Variants in CNTNAP3 observed in about 807,000 individuals in gnomAD.
The protein encoded by CNTNAP3 is contactin-associated protein-like 3.
Under a neutral mutation model 92.1 loss-of-function variants are expected in CNTNAP3, and 36 were observed. That is an observed-to-expected ratio of 0.39 (90% CI 0.30 to 0.52). CNTNAP3 has a LOEUF of 0.52. CNTNAP3 is among the 20% of genes least tolerant of loss of function. The pLI, the probability that CNTNAP3 is intolerant of heterozygous loss-of-function variation, is 0.76. For synonymous variants in CNTNAP3, 232 were observed against 422.3 expected (o/e 0.55, Z 5.53); for missense variants, 534 against 1,069.6 (o/e 0.50, Z 6.98).
At chr9:39,119,600 C>G (rs1220396279) in intron 13 of CNTNAP3, among the ~76,000 whole-genome samples, 1 of 152,084 alleles carries the variant, frequency 6.6e-6, no homozygotes, top group African/African-American at 2.4e-5. Flanking sequence ...CTCCCATATT[C>G]CCCATAAAGT....
intron 12 of CNTNAP3, among the ~76,000 whole-genome samples, chr9:39,133,385 G>A (rs1821351828): frequency 6.6e-6 from 1 of 152,114 alleles, no homozygotes; most frequent in African/African-American, 2.4e-5. Flanking sequence ...TATCATGTAA[G>A]CAATGACTTT....
At chr9:39,108,847 A>G (rs560660820) in intron 15 of CNTNAP3, among the ~76,000 whole-genome samples, 13 of 152,346 alleles carry the variant, frequency 8.5e-5, no homozygotes, top group African/African-American at 3.1e-4. Context: ...ATGAATAAAT[A>G]TCCCTTAGAA....
At chr9:39,090,346 C>T (rs1314829033) in intron 18 of CNTNAP3, among the ~76,000 whole-genome samples, 1 of 152,148 alleles carries the variant, frequency 6.6e-6, no homozygotes, top group Non-Finnish European at 1.5e-5. Context: ...CTCTTTTGTT[C>T]TCCCATGTTT....
chr9:39,067,414 TTTTGATGGAGTC>T lies in CNTNAP3; in HGVS notation c.*6464_*6475del, dbSNP rs1248174458. On this transcript the variant is annotated 3_prime_UTR_variant, in exon 24 of 24. Coordinates refer to ENST00000297668, the MANE Select transcript of CNTNAP3 (RefSeq NM_033655.5). ...TTACCTCGTTGGGTGTTGGATTTTT[TTTTGATGGAGTC>T]TGGCTCTGTTGCCCAGGCTGGAGTG... Among the ~76,000 whole-genome samples the T allele has an allele frequency of 1.3e-5, 2 of 152,302 alleles. No individual in the cohort carries two copies. The highest frequency in any genetic ancestry group is 4.8e-5 in the African/African-American group (2 of 41,478).
intron 23 of CNTNAP3, among the ~76,000 whole-genome samples, chr9:39,074,621 G>A (rs1357523472): frequency 6.6e-6 from 1 of 151,828 alleles, no homozygotes; most frequent in Non-Finnish European, 1.5e-5. Flanking sequence ...CTAAGACCGC[G>A]TACATCCTTC....
rs1168177056 is a variant in CNTNAP3 at position 39,107,565 on chromosome 9, G to GA, written c.2365+1594dup. Among the ~76,000 whole-genome samples the GA allele has an allele frequency of 6.9e-4, 105 of 151,282 alleles. 2 individuals carry two copies. Among genetic ancestry groups the GA allele is most frequent in the African/African-American group, 2.4e-3 (99 of 41,240 alleles). On this transcript the variant is annotated intron_variant, in intron 15 of 23. Transcript: ENST00000297668. ...ATAAACAGAAAAGATGATTTTTAAGGAAAAAAAATCAAAGACCCAAACAAA... is the reference window on the plus strand; with the variant it reads ...ATAAACAGAAAAGATGATTTTTAAGGAAAAAAAAATCAAAGACCCAAACAAA...
intron 10 of CNTNAP3, among the ~76,000 whole-genome samples, chr9:39,145,094 A>C (rs1821667741): frequency 7.2e-6 from 1 of 139,544 alleles, no homozygotes; most frequent in African/African-American, 2.6e-5. Context: ...GCTGCCGCCC[A>C]CTATAATATT....
In CNTNAP3 at chr9:39,096,070, C is replaced by CGGGTTATATCCCTTCAACCTGAAGGAACG. The variant is rs768993195; in HGVS notation, c.2995+3840_2995+3841insCGTTCCTTCAGGTTGAAGGGATATAACCC. 9.7e-4 allele frequency among the ~76,000 whole-genome samples: 136 copies of CGGGTTATATCCCTTCAACCTGAAGGAACG among 140,522 alleles called. 1 individual carries two copies. Among genetic ancestry groups the CGGGTTATATCCCTTCAACCTGAAGGAACG allele is most frequent in the Middle Eastern group, 3.7e-3 (1 of 272 alleles). 92.2% of individuals were successfully genotyped at this position (140,522 alleles called of 152,430 possible). A position where few individuals can be genotyped will look rare whatever the true frequency, so the allele number is the denominator to read the frequency against. ...TCAGTACAGCCTTGCTCCCATCTGT[C>CGGGTTATATCCCTTCAACCTGAAGGAACG]TCCTCTGTGCTGTTTTTTTGTAATA... On this transcript the variant is annotated intron_variant, in intron 18 of 23. Coordinates refer to ENST00000297668, the MANE Select transcript of CNTNAP3 (RefSeq NM_033655.5).
chr9:39,076,216 C>A (rs1471097700), intron 23 of CNTNAP3, among the ~76,000 whole-genome samples: 3 of 152,302 alleles, frequency 2.0e-5, no homozygotes, highest in Admixed American at 1.3e-4. Flanking sequence ...GATCAACTTG[C>A]CCATTTCCTT....
At chr9:39,148,507 C>G (rs1587732943) in intron 10 of CNTNAP3, among the ~76,000 whole-genome samples, 1 of 150,592 alleles carries the variant, frequency 6.6e-6, no homozygotes, top group Non-Finnish European at 1.5e-5. Context: ...TTTGAAAGTT[C>G]TACCAGATGC....
rs138706414 is a variant in CNTNAP3, at chr9:39,078,491, C to T, written c.3674-35G>A. On this transcript the variant is annotated intron_variant, in intron 22 of 23. Transcript: ENST00000297668. ...GGAAAGGGAGAATGATGTTTATTAG[C>T]TTGATTTAATCACGCCACAATTTAC... 6,933 of 1,608,308 alleles carry T rather than the reference C, an allele frequency of 4.3e-3. 3 individuals are homozygous for T. The South Asian group carries it at 0.059, about 14-fold the overall frequency.
At position 39,099,682 on chromosome 9, in the gene CNTNAP3, G is replaced by A. The variant is rs1430455256; in HGVS notation, c.2995+229C>T. 31 of 795,748 alleles carry A rather than the reference G, an allele frequency of 3.9e-5. No individual in the cohort carries two copies. In the East Asian group the frequency reaches 8.4e-4, roughly 22 times the overall value. The allele number at this position is 795,748 out of a possible 1,614,324, so 49.3% of individuals were successfully genotyped here. A position where few individuals can be genotyped will look rare whatever the true frequency, so the allele number is the denominator to read the frequency against. ...GATTAGCATTGAACAGATGCTAGGG[G>A]TAACCCAGAGATCTTCTAAATAAGA... On this transcript the variant is annotated intron_variant, in intron 18 of 23. Coordinates refer to ENST00000297668, the MANE Select transcript of CNTNAP3 (RefSeq NM_033655.5).
intron 21 of CNTNAP3, among the ~76,000 whole-genome samples, chr9:39,079,212 T>C (rs769886854): frequency 2.0e-5 from 3 of 151,972 alleles, no homozygotes; most frequent in Non-Finnish European, 4.4e-5. Flanking sequence ...GGCATAAATT[T>C]AAGAAATCCT....
chr9:39,129,558 G>T (rs1254556147), intron 13 of CNTNAP3, among the ~76,000 whole-genome samples: 1 of 152,156 alleles, frequency 6.6e-6, no homozygotes, highest in East Asian at 1.9e-4. Context: ...TTTGGAATTG[G>T]AATTTAGGGT....
At chr9:39,149,183 G>A (rs1362576021) in intron 10 of CNTNAP3, among the ~76,000 whole-genome samples, 2 of 152,122 alleles carry the variant, frequency 1.3e-5, no homozygotes, top group Non-Finnish European at 2.9e-5. Flanking sequence ...TCCTCTGCCT[G>A]GAAAAACATC....
Position 39,103,799 on chromosome 9 carries a change from G to C in CNTNAP3, c.2481C>G (p.Ser827=), listed in dbSNP as rs145100345. The change falls in exon 16 of 24, where the codon TCC becomes TCG. Residue 827 remains serine (S), a synonymous_variant. Coordinates refer to ENST00000297668, the MANE Select transcript of CNTNAP3 (RefSeq NM_033655.5). ...VCFFFKTTVS[S]GVFMENLGIT... is the part of the protein sequence containing the mutation. Reference sequence around the variant, plus strand: ...TCCCCAGGTTCTCCATAAACACCCCGGAGGAAACTGTGGTCTTAAAAAAGA... The same window carrying C: ...TCCCCAGGTTCTCCATAAACACCCCCGAGGAAACTGTGGTCTTAAAAAAGA... 1 of 1,610,330 alleles carries C rather than the reference G, an allele frequency of 6.2e-7. No individual in the cohort carries two copies. Among genetic ancestry groups the C allele is most frequent in the Non-Finnish European group, 8.5e-7 (1 of 1,179,374 alleles).
intron 18 of CNTNAP3, among the ~76,000 whole-genome samples, chr9:39,098,994 A>G (rs758109966): frequency 1.3e-4 from 20 of 151,532 alleles, no homozygotes; most frequent in Non-Finnish European, 2.9e-4. Context: ...TTTTTCCCCA[A>G]GACGGAGTCT....
chr9:39,154,915 C>T (rs1264692356), intron 9 of CNTNAP3: 4 of 203,748 alleles, frequency 2.0e-5, no homozygotes, highest in Admixed American at 6.0e-5. Flanking sequence ...TCGTGGGCGA[C>T]GCCGCAGAGA....
In CNTNAP3 at chr9:39,226,934, ATG is replaced by A. The variant is rs369126023; in HGVS notation, c.390+12057_390+12058del. ...ATAGTATTCCATGGTGTGTATGTAT[ATG>A]TGTGTATATATATATACCATATTTT... On this transcript the variant is annotated intron_variant, in intron 3 of 23. Coordinates refer to ENST00000297668, the MANE Select transcript of CNTNAP3 (RefSeq NM_033655.5). Among the ~76,000 whole-genome samples, 7 of 10,352 alleles carry A rather than the reference ATG, an allele frequency of 6.8e-4. 2 individuals are homozygous for A. Among genetic ancestry groups the A allele is most frequent in the Non-Finnish European group, 1.7e-3 (2 of 1,174 alleles). The allele number at this position is 10,352 out of a possible 152,430, so 6.8% of individuals were successfully genotyped here. A position where few individuals can be genotyped will look rare whatever the true frequency, so the allele number is the denominator to read the frequency against.
Sources: gnomAD v4.1 joint callset for allele counts (sites outside exome capture counted in the v4.1 genomes callset) on GRCh38, gnomAD v4.1.1 for gene constraint, MANE v1.5 for transcripts, NCBI Gene and HGNC (gene_info 2026-07-23, HGNC 2026-07-21) for gene names.